CARD8: variants seen among roughly 807,000 people sequenced by gnomAD.
CARD8 encodes caspase recruitment domain-containing protein 8.
In CARD8, 38 loss-of-function variants were observed where a neutral mutation model predicts 53.2. That is an observed-to-expected ratio of 0.71 (90% CI 0.55 to 0.94). The LOEUF is 0.94. Among genes scored for constraint, CARD8 ranks in the 40% least tolerant of loss-of-function variants. The probability of loss-of-function intolerance (pLI) is 0.00; values close to 1 mark genes in which losing one functional copy is unlikely to be tolerated. For missense variants in CARD8, 561 were observed against 655.5 expected, an observed-to-expected ratio of 0.86 and a Z score of 1.57; for synonymous variants, 245 against 244.9, an observed-to-expected ratio of 1.00 and a Z score of 0.00.
chr19:48,212,481 C>CT (rs1341537827), intron 13 of CARD8, among the ~76,000 whole-genome samples: 11 of 152,324 alleles, frequency 7.2e-5, no homozygotes, highest in South Asian at 2.1e-4. Context: ...AAGATACAGA[C>CT]TTTTTTCCAT....
chr19:48,226,138 A>C (rs1390633744), intron 10 of CARD8, among the ~76,000 whole-genome samples: 6 of 152,276 alleles, frequency 3.9e-5, no homozygotes, highest in African/African-American at 1.4e-4. Context: ...AATCCATTAA[A>C]GAATCTTTGG....
intron 4 of CARD8, among the ~76,000 whole-genome samples, chr19:48,240,157 T>A (rs2044699120): frequency 6.6e-6 from 1 of 152,178 alleles, no homozygotes; most frequent in Non-Finnish European, 1.5e-5. Flanking sequence ...TTAATTTGTT[T>A]TGAGTTCCAA....
chr19:48,207,972 C>T (rs2037473870), downstream of CARD8: 1 of 151,926 alleles, frequency 6.6e-6, no homozygotes, highest in African/African-American at 2.4e-5. Context: ...CTGGCCTCAT[C>T]TGATTCACCC....
At chr19:48,242,136 A>G (rs1302756449) in intron 3 of CARD8, among the ~76,000 whole-genome samples, 1 of 152,152 alleles carries the variant, frequency 6.6e-6, no homozygotes, top group African/African-American at 2.4e-5. Flanking sequence ...TTGAAATCCT[A>G]ACTCCAAATG....
At chr19:48,230,395 T>C (rs1307994720) in intron 10 of CARD8, 43 bp downstream of exon 10, 3 of 1,551,986 alleles carry the variant, frequency 1.9e-6, no homozygotes, top group South Asian at 2.5e-5. Context: ...AACCTGGAAA[T>C]ATAATCGTCA....
downstream of CARD8, chr19:48,204,269 G>C (rs1210300739): frequency 2.2e-6 from 1 of 445,106 alleles, no homozygotes; most frequent in South Asian, 1.6e-5. Context: ...ACGGGGATTA[G>C]AGACCTCGCG....
chr19:48,218,474 C>T (rs2039816897), intron 12 of CARD8, among the ~76,000 whole-genome samples: 1 of 151,670 alleles, frequency 6.6e-6, no homozygotes, highest in Admixed American at 6.6e-5. Flanking sequence ...CCTGCCTCAG[C>T]CTCCCACGTA....
chr19:48,245,228 G>C (rs1339071015), intron 3 of CARD8, among the ~76,000 whole-genome samples: 1 of 150,952 alleles, frequency 6.6e-6, no homozygotes, highest in East Asian at 1.9e-4. Flanking sequence ...TTTTTTCTTT[G>C]AGACGGGGCC....
intron 3 of CARD8, among the ~76,000 whole-genome samples, chr19:48,241,864 T>A (rs1046978914): frequency 2.6e-5 from 4 of 152,140 alleles, no homozygotes; most frequent in Non-Finnish European, 4.4e-5. Flanking sequence ...ACCACACAAT[T>A]CACCCACATA....
chr19:48,203,269 T>G (rs1253344588), downstream of CARD8: 3 of 152,294 alleles, frequency 2.0e-5, no homozygotes, highest in Admixed American at 1.3e-4. Flanking sequence ...AAGTAGTCTC[T>G]CTAAAGAGCC....
At chr19:48,227,080 T>A in intron 10 of CARD8, among the ~76,000 whole-genome samples, 1 of 129,260 alleles carries the variant, frequency 7.7e-6, no homozygotes. Flanking sequence ...ACAGCAAGAC[T>A]CCGTCTCAAA....
downstream of CARD8, among the ~76,000 whole-genome samples, chr19:48,204,546 G>A (rs2037273129): frequency 6.6e-6 from 1 of 152,070 alleles, no homozygotes; most frequent in Non-Finnish European, 1.5e-5. Context: ...GGAAAATTGG[G>A]GTATTAAGCT....
In CARD8 at chr19:48,215,377, G is replaced by T; in HGVS notation, c.1311C>A (p.Leu437=). The T allele has an allele frequency of 6.2e-7, 1 of 1,609,950 alleles. No individual in the cohort carries two copies. The highest frequency in any genetic ancestry group is 1.1e-5 in the South Asian group (1 of 90,976). ...VWDTEVKPVD[L]QLVAASAPPP... ...GAGGGGCTGATGCAGCTACAAGCTGGAGATCCACTACAAAAGAGGGAAAAA... is the reference window on the plus strand; with the variant it reads ...GAGGGGCTGATGCAGCTACAAGCTGTAGATCCACTACAAAAGAGGGAAAAA... The change falls in exon 13 of 14, where the codon CTC becomes CTA. Residue 437 remains leucine, a synonymous_variant. Coordinates refer to ENST00000651546, the MANE Select transcript of CARD8 (RefSeq NM_001184900.3).
chr19:48,227,695 C>G (rs890666397), intron 10 of CARD8, among the ~76,000 whole-genome samples: 1 of 151,402 alleles, frequency 6.6e-6, no homozygotes, highest in African/African-American at 2.4e-5. Flanking sequence ...CCCAACTACT[C>G]AGGAGACTGA....
Position 48,241,009 on chromosome 19 carries a change from C to CT in CARD8, c.11dup (p.Glu5GlyfsTer7), listed in dbSNP as rs759553123. The CT allele has an allele frequency of 3.0e-4, 462 of 1,535,770 alleles. No individual in the cohort carries two copies. Among genetic ancestry groups the CT allele is most frequent in the Non-Finnish European group, 3.8e-4 (438 of 1,146,638 alleles). On this transcript the variant is annotated frameshift_variant, in exon 4 of 14. Transcript: ENST00000651546. LOFTEE classifies it high-confidence loss of function. ...TGCTGCTACTCTTTTCTGGACACTCCTTTTTTTCCATTTGTCAAATGTGGT... is the reference window on the plus strand; with the variant it reads ...TGCTGCTACTCTTTTCTGGACACTCCTTTTTTTTCCATTTGTCAAATGTGGT...
At chr19:48,213,572 C>T (rs2038505874) in intron 13 of CARD8, among the ~76,000 whole-genome samples, 1 of 152,152 alleles carries the variant, frequency 6.6e-6, no homozygotes, top group Non-Finnish European at 1.5e-5. Context: ...CAGGGTTTCA[C>T]CATGTTGGCC....
intron 3 of CARD8, among the ~76,000 whole-genome samples, chr19:48,241,760 C>T (rs891698796): frequency 2.6e-5 from 4 of 152,134 alleles, no homozygotes; most frequent in East Asian, 1.9e-4. Context: ...GTTTAGGAAC[C>T]GTTGTCTAAT....
chr19:48,204,089 G>GATCCAACC (rs1386186543), downstream of CARD8: 11 of 448,216 alleles, frequency 2.5e-5, no homozygotes, highest in African/African-American at 2.2e-4. Context: ...AGCATTGTGG[G>GATCCAACC]GCCCGCTTGG....
downstream of CARD8, among the ~76,000 whole-genome samples, chr19:48,207,861 G>A (rs758590440): frequency 2.7e-5 from 4 of 147,746 alleles, no homozygotes; most frequent in Admixed American, 2.1e-4. Flanking sequence ...TTAGCCTCCC[G>A]AGCAGCTGGG....
Sources: allele counts gnomAD v4.1 joint callset (sites outside exome capture counted in the v4.1 genomes callset), GRCh38; gene constraint gnomAD v4.1.1; transcripts MANE v1.5; gene names NCBI Gene and HGNC (gene_info 2026-07-23, HGNC 2026-07-21).